The following PHF11 variants were observed in gnomAD, a reference collection of about 807,000 sequenced individuals.
PHF11 encodes the protein PHD finger protein 11, also known as BRCA1 C-terminus-associated protein.
A neutral mutation model predicts 40.5 loss-of-function variants in PHF11; 38 were observed. That is an observed-to-expected ratio of 0.94 (90% CI 0.72 to 1.23). PHF11 has a LOEUF of 1.23. Among genes scored for constraint, PHF11 ranks in the 50% most tolerant of loss-of-function variants. The pLI, the probability that PHF11 is intolerant of heterozygous loss-of-function variation, is 0.00. For missense variants in PHF11, 369 were observed against 392.4 expected, an observed-to-expected ratio of 0.94 and a Z score of 0.50; for synonymous variants, 127 against 138.2, an observed-to-expected ratio of 0.92 and a Z score of 0.57.
intron 2 of PHF11, among the ~76,000 whole-genome samples, chr13:49,508,718 TTAAA>T (rs1959044389): frequency 6.6e-6 from 1 of 152,180 alleles, no homozygotes; most frequent in African/African-American, 2.4e-5. Context: ...ATCCTCATCT[TTAAA>T]TAAGAACAAT....
At chr13:49,507,053 G>A (rs1269788541) in intron 2 of PHF11, among the ~76,000 whole-genome samples, 5 of 151,850 alleles carry the variant, frequency 3.3e-5, no homozygotes, top group East Asian at 3.9e-4. Flanking sequence ...ACAGGTGCCC[G>A]CCACCATGCC....
In PHF11 at chr13:49,524,295, A is replaced by G; in HGVS notation, c.769+79A>G. 6 of 1,170,284 alleles carry G rather than the reference A, an allele frequency of 5.1e-6. No individual in the cohort carries two copies. The South Asian group carries it at 7.2e-5, about 14-fold the overall frequency. The allele number at this position is 1,170,284 out of a possible 1,614,324, so 72.5% of individuals were successfully genotyped here. ...TTAAAACAAAACAAACCCAAGAAAAAAAAAAAGGCCCATTTTCTTCCTATA... is the reference window on the plus strand; with the variant it reads ...TTAAAACAAAACAAACCCAAGAAAAGAAAAAAGGCCCATTTTCTTCCTATA... On this transcript the variant is annotated intron_variant, in intron 8 of 9. Coordinates refer to ENST00000378319, the MANE Select transcript of PHF11 (RefSeq NM_001040443.3).
rs550934849 is a variant in PHF11 at position 49,504,680 on chromosome 13, C to T, written c.95-1955C>T. On this transcript the variant is annotated intron_variant, in intron 1 of 9. Transcript: ENST00000378319. ...CCGCCCCTACTAGGAAGTGAGGAGC[C>T]CCTCTGCCCGGCCACCACCCCGTCT... 3.3e-5 allele frequency among the ~76,000 whole-genome samples: 5 copies of T among 151,560 alleles called. No individual in the cohort carries two copies. The South Asian group carries it at 6.3e-4, about 19-fold the overall frequency.
intron 4 of PHF11, among the ~76,000 whole-genome samples, chr13:49,520,555 G>T (rs952526394): frequency 1.3e-5 from 2 of 152,182 alleles, no homozygotes; most frequent in African/African-American, 4.8e-5. Flanking sequence ...ATGGAAATCT[G>T]CATGTCTTAG....
Position 49,522,064 on chromosome 13 carries a change from GAAA to G in PHF11, c.530_532del (p.Lys177del). The G allele has an allele frequency of 6.5e-7, 1 of 1,549,618 alleles. No homozygotes were observed. The highest frequency in any genetic ancestry group is 8.9e-7 in the Non-Finnish European group (1 of 1,123,658). ...TTAGCTAAATTTTCAGGAGTGAAAA[GAAA>G]AAGAGGAAGGAAGAAACCCCTCTCA... On this transcript the variant is annotated inframe_deletion, in exon 6 of 10. Coordinates refer to ENST00000378319, the MANE Select transcript of PHF11 (RefSeq NM_001040443.3).
At chr13:49,521,128 T>C (rs1300042180) in intron 5 of PHF11, 188 bp downstream of exon 5, 4 of 1,292,540 alleles carry the variant, frequency 3.1e-6, no homozygotes, top group African/African-American at 1.5e-5. Flanking sequence ...TTTTCTTCTT[T>C]ATGAACAAGA....
At chr13:49,520,589 A>G (rs1959182996) in intron 4 of PHF11, among the ~76,000 whole-genome samples, 1 of 152,182 alleles carries the variant, frequency 6.6e-6, no homozygotes, top group African/African-American at 2.4e-5. Context: ...AGGTATCTTT[A>G]TACAGTAAAA....
At chr13:49,528,151 A>G (rs1355588293) in intron 9 of PHF11, among the ~76,000 whole-genome samples, 1 of 152,246 alleles carries the variant, frequency 6.6e-6, no homozygotes, top group Non-Finnish European at 1.5e-5. Context: ...TATTCTAGCC[A>G]CATTCTCCAA....
At chr13:49,510,027 G>A (rs138229196) in intron 2 of PHF11, among the ~76,000 whole-genome samples, 355 of 152,188 alleles carry the variant, frequency 2.3e-3, no homozygotes, top group African/African-American at 8.2e-3. Context: ...GTGTGTGTGT[G>A]TGTGCTTTTT....
At chr13:49,528,302 A>C in intron 9 of PHF11, among the ~76,000 whole-genome samples, 1 of 152,192 alleles carries the variant, frequency 6.6e-6, no homozygotes, top group East Asian at 1.9e-4. Flanking sequence ...AGCTTTGTGT[A>C]TGATAAATGT....
intron 7 of PHF11, 150 bp downstream of exon 7, chr13:49,523,391 A>G: frequency 1.6e-6 from 1 of 623,004 alleles, no homozygotes; most frequent in Non-Finnish European, 2.9e-6. Flanking sequence ...GCAACTGTCC[A>G]CTCTATTGTA....
Position 49,496,023 on chromosome 13 carries a change from C to G in PHF11, c.22C>G (p.Arg8Gly), listed in dbSNP as rs1165837240. 2.0e-6 allele frequency: 3 copies of G among 1,473,086 alleles called. No homozygotes were observed. The highest frequency in any genetic ancestry group is 2.7e-6 in the Non-Finnish European group (3 of 1,119,146). The allele number at this position is 1,473,086 out of a possible 1,614,324, so 91.3% of individuals were successfully genotyped here. A position where few individuals can be genotyped will look rare whatever the true frequency, so the allele number is the denominator to read the frequency against. ...AGTCATGGCCCAGGCGTCGCCGCCC[C>G]GGCCCGAGAGGGTGCTCGGCGCCAG... MAQASPP[R>G]PERVLGASSP... Residue 8 changes from arginine (R) to glycine (G), a missense_variant, in exon 1 of 10, where the codon CGG (arginine) becomes GGG (glycine). Physicochemically the swap from Arg to Gly is moderately radical, Grantham distance 125. Transcript: ENST00000378319.
At chr13:49,525,192 G>A (rs7339167) in intron 8 of PHF11, among the ~76,000 whole-genome samples, 70,698 of 151,954 alleles carry the variant, frequency 0.47, 17,224 homozygotes, top group Middle Eastern at 0.58. Context: ...CTTTCTTAAG[G>A]GCTCTTTGGG....
chr13:49,506,898 CT>C (rs1169962633), intron 2 of PHF11, 142 bp downstream of exon 2: 7,734 of 142,836 alleles, frequency 0.054, 10 homozygotes, highest in South Asian at 0.082. Flanking sequence ...GGGAGCATTT[CT>C]TTTTTTTTTT....
chr13:49,507,456 T>A (rs1594206336), intron 2 of PHF11, among the ~76,000 whole-genome samples: 1 of 152,374 alleles, frequency 6.6e-6, no homozygotes, highest in Middle Eastern at 3.4e-3. Flanking sequence ...CAAGTCGTCA[T>A]GAACATTCTT....
chr13:49,507,884 C>T (rs898275879), intron 2 of PHF11, among the ~76,000 whole-genome samples: 4 of 152,034 alleles, frequency 2.6e-5, no homozygotes, highest in African/African-American at 9.7e-5. Context: ...CTTGGGGGTT[C>T]CTGGAACCAA....
intron 1 of PHF11, among the ~76,000 whole-genome samples, chr13:49,500,056 A>G (rs2139026920): frequency 6.6e-6 from 1 of 152,312 alleles, no homozygotes; most frequent in East Asian, 1.9e-4. Context: ...AGATTGCCGG[A>G]GAGATTAAGA....
At chr13:49,528,454 T>A (rs1341756570) in intron 9 of PHF11, 57 bp from the exon 10 acceptor site, 2 of 1,226,366 alleles carry the variant, frequency 1.6e-6, no homozygotes, top group African/African-American at 3.0e-5. Context: ...AAATGGTACA[T>A]TATTTCTAAT....
At chr13:49,526,257 C>T (rs1276247854) in intron 8 of PHF11, 130 bp from the exon 9 acceptor site, 1 of 637,910 alleles carries the variant, frequency 1.6e-6, no homozygotes, top group East Asian at 2.8e-5. Context: ...CTGCTGTTGC[C>T]ATCTAACATT....
Sources: gnomAD v4.1 joint callset for allele counts (sites outside exome capture counted in the v4.1 genomes callset) on GRCh38, gnomAD v4.1.1 for gene constraint, MANE v1.5 for transcripts, NCBI Gene and HGNC (gene_info 2026-07-23, HGNC 2026-07-21) for gene names.